CNOT1: variants seen among roughly 807,000 people sequenced by gnomAD.
CNOT1 encodes CCR4-NOT transcription complex subunit 1, also known as CCR4-associated factor 1.
CNOT1 carries 15 observed loss-of-function variants against 273.8 expected under a neutral mutation model. That is an observed-to-expected ratio of 0.05 (90% CI 0.04 to 0.08). The LOEUF is 0.08. Ranked by LOEUF, CNOT1 falls within the 10% of genes least tolerant of loss-of-function variation. The probability of loss-of-function intolerance (pLI) is 1.00; values close to 1 mark genes in which losing one functional copy is unlikely to be tolerated. For synonymous variants in CNOT1, 1,022 were observed against 1,005.5 expected (o/e 1.02, Z -0.31); for missense variants, 1,644 against 2,912.2 (o/e 0.56, Z 10.02).
chr16:58,609,656 T>A (rs1410293773), intron 1 of CNOT1, among the ~76,000 whole-genome samples: 1 of 151,952 alleles, frequency 6.6e-6, no homozygotes, highest in African/African-American at 2.4e-5. Flanking sequence ...AGACACCGGG[T>A]CTCACTTTGT....
chr16:58,613,317 T>C (rs187109623), intron 1 of CNOT1, among the ~76,000 whole-genome samples: 30,556 of 114,296 alleles, frequency 0.27, 5,728 homozygotes, highest in Non-Finnish European at 0.37. Flanking sequence ...CAGGCTTGAG[T>C]CACCACGCCT....
At chr16:58,600,976 G>A (rs1168852821) in intron 1 of CNOT1, among the ~76,000 whole-genome samples, 1 of 152,098 alleles carries the variant, frequency 6.6e-6, no homozygotes, top group African/African-American at 2.4e-5. Context: ...TTGTTTTTGA[G>A]ACAGTTTCAC....
intron 17 of CNOT1, 112 bp downstream of exon 17, chr16:58,560,100 C>A: frequency 1.2e-5 from 19 of 1,533,342 alleles, no homozygotes; most frequent in Non-Finnish European, 1.6e-5. Flanking sequence ...GGATGCTAGA[C>A]ATGCAGTTAT....
intron 16 of CNOT1, among the ~76,000 whole-genome samples, chr16:58,561,183 C>T (rs930305159): frequency 5.9e-5 from 9 of 152,124 alleles, no homozygotes; most frequent in Non-Finnish European, 1.0e-4. Flanking sequence ...GAAGGGAAAG[C>T]GGAAGGAAAA....
intron 30 of CNOT1, among the ~76,000 whole-genome samples, chr16:58,544,905 T>C (rs1279707220): frequency 1.3e-5 from 2 of 152,154 alleles, no homozygotes; most frequent in Non-Finnish European, 2.9e-5. Flanking sequence ...CACAACAACA[T>C]AACTCAAAGT....
intron 16 of CNOT1, among the ~76,000 whole-genome samples, chr16:58,561,972 C>T (rs1174560990): frequency 6.6e-6 from 1 of 151,940 alleles, no homozygotes; most frequent in East Asian, 1.9e-4. Flanking sequence ...GTCAGAAACT[C>T]AGGTCAGAAG....
At chr16:58,561,084 C>T (rs555008815) in intron 16 of CNOT1, among the ~76,000 whole-genome samples, 1 of 152,258 alleles carries the variant, frequency 6.6e-6, no homozygotes, top group African/African-American at 2.4e-5. Context: ...ACTTGGGAGG[C>T]TGAGGTGGGA....
intron 1 of CNOT1, among the ~76,000 whole-genome samples, chr16:58,628,119 C>T (rs1286461060): frequency 6.6e-6 from 1 of 152,172 alleles, no homozygotes; most frequent in Non-Finnish European, 1.5e-5. Context: ...TGAGCCACCG[C>T]GCCCAGTCGA....
Position 58,547,404 on chromosome 16 carries a change from C to A in CNOT1, c.3640-108G>T. 6.5e-7 allele frequency: 1 copy of A among 1,545,476 alleles called. No homozygotes were observed. Among genetic ancestry groups the A allele is most frequent in the Non-Finnish European group, 8.8e-7 (1 of 1,142,708 alleles). On this transcript the variant is annotated intron_variant, in intron 26 of 48. Coordinates refer to ENST00000317147, the MANE Select transcript of CNOT1 (RefSeq NM_016284.5). The surrounding 1 kb of genome is among the most constrained non-coding windows in gnomAD (Gnocchi z 4.0). Reference sequence around the variant, plus strand: ...AGCTTATCCCCAAAACAGGAATCAACATAATGTCTAGTCCTTGCCTTACAA... The same window carrying A: ...AGCTTATCCCCAAAACAGGAATCAAAATAATGTCTAGTCCTTGCCTTACAA...
chr16:58,586,804 A>G (rs1363488079), intron 6 of CNOT1, 56 bp from the exon 7 acceptor site: 2 of 1,562,024 alleles, frequency 1.3e-6, no homozygotes, highest in Admixed American at 1.7e-5. Context: ...AATGGGTTAA[A>G]AAGTCATATA....
At chr16:58,602,423 C>T (rs1257790127) in intron 1 of CNOT1, among the ~76,000 whole-genome samples, 2 of 151,738 alleles carry the variant, frequency 1.3e-5, no homozygotes, top group African/African-American at 4.8e-5. Context: ...TGTGGTGGTG[C>T]ACACCTATAA....
chr16:58,582,960 G>C, intron 9 of CNOT1, 57 bp from the exon 10 acceptor site: 2 of 1,611,848 alleles, frequency 1.2e-6, no homozygotes, highest in Non-Finnish European at 1.7e-6. Context: ...TTCACTTCTG[G>C]TCGATAGAAC....
Position 58,523,460 on chromosome 16 carries a change from T to A in CNOT1, c.6827A>T (p.Tyr2276Phe). ...FLNAIANQLR[Y>F]PNSHTHYFSC... ...GAAGTAGTGAGTGTGGCTATTTGGGTACCGGAGCTGATTTGCAATTGCATT... is the reference window on the plus strand; with the variant it reads ...GAAGTAGTGAGTGTGGCTATTTGGGAACCGGAGCTGATTTGCAATTGCATT... Residue 2276 changes from tyrosine to phenylalanine, a missense_variant, in exon 47 of 49, where the codon TAC becomes TTC. By Grantham distance (22) the Tyr-to-Phe change is conservative (BLOSUM62 3). Coordinates refer to ENST00000317147, the MANE Select transcript of CNOT1 (RefSeq NM_016284.5). 1.2e-6 allele frequency: 2 copies of A among 1,614,078 alleles called. No individual in the cohort carries two copies. The highest frequency in any genetic ancestry group is 4.5e-5 in the East Asian group (2 of 44,886).
intron 40 of CNOT1, among the ~76,000 whole-genome samples, chr16:58,533,670 G>A (rs1224479330): frequency 6.8e-6 from 1 of 147,770 alleles, no homozygotes; most frequent in Non-Finnish European, 1.5e-5. Context: ...AAAAATACAA[G>A]AAAAATTAGC....
chr16:58,601,734 T>TAAAAAAAAAAAAAGAA (rs2042471366), intron 1 of CNOT1, among the ~76,000 whole-genome samples: 1 of 91,514 alleles, frequency 1.1e-5, no homozygotes, highest in Admixed American at 1.3e-4. Context: ...ATACCCACCT[T>TAAAAAAAAAAAAAGAA]AAAAAAAAAA....
chr16:58,525,550 T>C (rs1454135088), intron 45 of CNOT1, among the ~76,000 whole-genome samples, 191 bp from the exon 46 acceptor site: 2 of 142,950 alleles, frequency 1.4e-5, no homozygotes, highest in East Asian at 4.4e-4. Flanking sequence ...ATAAGAGAAA[T>C]GTGATTTCCC....
intron 16 of CNOT1, among the ~76,000 whole-genome samples, chr16:58,571,957 A>G (rs1424994081): frequency 1.3e-5 from 2 of 152,104 alleles, no homozygotes; most frequent in African/African-American, 2.4e-5. Context: ...GGACAGAGGC[A>G]GACTCTGTCT....
At chr16:58,622,084 G>A (rs376863381) in intron 1 of CNOT1, among the ~76,000 whole-genome samples, 2 of 150,542 alleles carry the variant, frequency 1.3e-5, no homozygotes, top group South Asian at 4.2e-4. Context: ...AGGCCGAGGC[G>A]GGTGGATCAC....
At chr16:58,562,363 G>A (rs2040882954) in intron 16 of CNOT1, among the ~76,000 whole-genome samples, 1 of 151,776 alleles carries the variant, frequency 6.6e-6, no homozygotes, top group Admixed American at 6.6e-5. Context: ...AATTAGCCAG[G>A]TGTGGTGGCA....
Sources: allele counts gnomAD v4.1 joint callset (sites outside exome capture counted in the v4.1 genomes callset), GRCh38; gene constraint gnomAD v4.1.1; non-coding constraint Gnocchi (gnomAD v3.1); transcripts MANE v1.5; gene names NCBI Gene and HGNC (gene_info 2026-07-23, HGNC 2026-07-21).